The following EGLN1 variants were observed in gnomAD, a reference collection of about 807,000 sequenced individuals.
The protein encoded by EGLN1 is egl nine homolog 1.
A neutral mutation model predicts 38.3 loss-of-function variants in EGLN1; 17 were observed. That is an observed-to-expected ratio of 0.44 (90% CI 0.30 to 0.67). EGLN1 has a LOEUF of 0.67. Among genes scored for constraint, EGLN1 ranks in the 30% least tolerant of loss-of-function variants. The pLI is 0.08. For missense variants in EGLN1, 477 were observed against 603.3 expected, an observed-to-expected ratio of 0.79 and a Z score of 2.19; for synonymous variants, 283 against 257.5, an observed-to-expected ratio of 1.10 and a Z score of -0.95.
At chr1:231,390,943 G>A (rs1004587640) in intron 1 of EGLN1, among the ~76,000 whole-genome samples, 3 of 151,794 alleles carry the variant, frequency 2.0e-5, no homozygotes, top group Non-Finnish European at 4.4e-5. Flanking sequence ...AAACTCCTGA[G>A]CTCAAGCAAT....
intron 1 of EGLN1, among the ~76,000 whole-genome samples, chr1:231,407,850 G>T (rs1048206963): frequency 6.6e-6 from 1 of 152,030 alleles, no homozygotes; most frequent in Non-Finnish European, 1.5e-5. Context: ...ACTAGAAACA[G>T]TATAGCAAGC....
intron 1 of EGLN1, 27 bp from the exon 2 acceptor site, chr1:231,374,126 A>G (rs957011602): frequency 3.1e-6 from 5 of 1,608,918 alleles, no homozygotes; most frequent in South Asian, 1.1e-5. Context: ...AATGATTATT[A>G]AAGTCCATGT....
At chr1:231,406,303 C>T (rs1688793596) in intron 1 of EGLN1, among the ~76,000 whole-genome samples, 2 of 152,058 alleles carry the variant, frequency 1.3e-5, no homozygotes, top group Admixed American at 6.6e-5. Context: ...AAAAGAGAAT[C>T]ATAAGCCAGT....
intron 1 of EGLN1, among the ~76,000 whole-genome samples, chr1:231,417,432 GA>G (rs976785461): frequency 6.6e-6 from 1 of 152,088 alleles, no homozygotes; most frequent in African/African-American, 2.4e-5. Context: ...AACTCCAACA[GA>G]AAAGTTCAAC....
chr1:231,417,459 T>C lies in EGLN1; in HGVS notation c.891+3539A>G, dbSNP rs529437235. 1.4e-3 allele frequency among the ~76,000 whole-genome samples: 213 copies of C among 152,238 alleles called. 1 individual carries two copies. Among genetic ancestry groups the C allele is most frequent in the African/African-American group, 4.6e-3 (192 of 41,546 alleles). On this transcript the variant is annotated intron_variant, in intron 1 of 4. Coordinates refer to ENST00000366641, the MANE Select transcript of EGLN1 (RefSeq NM_022051.3). ...AAAGTTCAACATTTTCCCATGATCCTCACTCCTCTGCATTCCTCTTCCTCC... is the reference window on the plus strand; with the variant it reads ...AAAGTTCAACATTTTCCCATGATCCCCACTCCTCTGCATTCCTCTTCCTCC...
At chr1:231,387,332 T>G (rs948187622) in intron 1 of EGLN1, among the ~76,000 whole-genome samples, 11 of 152,072 alleles carry the variant, frequency 7.2e-5, no homozygotes, top group African/African-American at 2.7e-4. Context: ...TGTTTTTATT[T>G]TGGCCCTAGA....
rs904449242 is a variant in EGLN1 at position 231,364,345 on chromosome 1, T to C, written c.*2066A>G. On this transcript the variant is annotated 3_prime_UTR_variant, in exon 5 of 5. Coordinates refer to ENST00000366641, the MANE Select transcript of EGLN1 (RefSeq NM_022051.3). ...TACTAACCCTAAAAAAGATAATGCTTTTGAGTTGTGGCCTAACGCCGCGCA... is the reference window on the plus strand; with the variant it reads ...TACTAACCCTAAAAAAGATAATGCTCTTGAGTTGTGGCCTAACGCCGCGCA... 14 of 152,158 alleles carry C rather than the reference T, an allele frequency of 9.2e-5. No individual in the cohort carries two copies. The highest frequency in any genetic ancestry group is 3.1e-4 in the African/African-American group (13 of 41,430). The allele number at this position is 152,158 out of a possible 1,614,324, so 9.4% of individuals were successfully genotyped here.
chr1:231,393,077 G>A (rs1031222154), intron 1 of EGLN1, among the ~76,000 whole-genome samples: 2 of 152,174 alleles, frequency 1.3e-5, no homozygotes, highest in African/African-American at 2.4e-5. Context: ...CTTTCTGTAT[G>A]TATCTCCATG....
intron 1 of EGLN1, among the ~76,000 whole-genome samples, chr1:231,384,988 A>C (rs1438609140): frequency 6.6e-6 from 1 of 152,182 alleles, no homozygotes; most frequent in Admixed American, 6.6e-5. Flanking sequence ...GGAAGGCAGA[A>C]GAGTAGTTAG....
intron 1 of EGLN1, among the ~76,000 whole-genome samples, chr1:231,417,268 T>C (rs937564722): frequency 2.6e-5 from 4 of 152,358 alleles, no homozygotes; most frequent in African/African-American, 9.6e-5. Flanking sequence ...TATAATCTGC[T>C]GCTTATTAGT....
chr1:231,390,084 C>T (rs1443304319), intron 1 of EGLN1, among the ~76,000 whole-genome samples: 1 of 152,176 alleles, frequency 6.6e-6, no homozygotes, highest in Non-Finnish European at 1.5e-5. Context: ...CTTCTCTGTA[C>T]CTAACTACCC....
At chr1:231,368,298 CA>C (rs1687714340) in intron 3 of EGLN1, among the ~76,000 whole-genome samples, 1 of 152,188 alleles carries the variant, frequency 6.6e-6, no homozygotes, top group Non-Finnish European at 1.5e-5. Flanking sequence ...TAAAAGGACT[CA>C]GGGCATTGCA....
chr1:231,419,818 G>C (rs948344416), intron 1 of EGLN1, among the ~76,000 whole-genome samples: 6 of 152,312 alleles, frequency 3.9e-5, no homozygotes, highest in South Asian at 2.1e-4. Context: ...CTTTCGGGCA[G>C]CCTGAGAATC....
chr1:231,394,527 C>T (rs12033148), intron 1 of EGLN1, among the ~76,000 whole-genome samples: 81,191 of 149,354 alleles, frequency 0.54, 23,705 homozygotes, highest in Non-Finnish European at 0.65. Flanking sequence ...TACAGGCGCC[C>T]GCCACCACGC....
rs1687626971 is a variant in EGLN1, at chr1:231,365,682, T to C, written c.*729A>G. On this transcript the variant is annotated 3_prime_UTR_variant, in exon 5 of 5. Transcript: ENST00000366641. ...AAAATTTAAACTCTTCTTGTGTCTTTTTCCTTGTAAAACATTAACTAAAAG... is the reference window on the plus strand; with the variant it reads ...AAAATTTAAACTCTTCTTGTGTCTTCTTCCTTGTAAAACATTAACTAAAAG... 2 of 152,308 alleles carry C rather than the reference T, an allele frequency of 1.3e-5. No individual in the cohort carries two copies. The highest frequency in any genetic ancestry group is 2.1e-4 in the South Asian group (1 of 4,822). The allele number at this position is 152,308 out of a possible 1,614,324, so 9.4% of individuals were successfully genotyped here.
chr1:231,376,479 T>G (rs1376535253), intron 1 of EGLN1, among the ~76,000 whole-genome samples: 1 of 152,198 alleles, frequency 6.6e-6, no homozygotes, highest in African/African-American at 2.4e-5. Flanking sequence ...TTGTCCTATT[T>G]TACTGTTGTT....
intron 2 of EGLN1, 32 bp downstream of exon 2, chr1:231,373,946 AAG>A (rs780721507): frequency 1.9e-5 from 31 of 1,611,670 alleles, no homozygotes; most frequent in Non-Finnish European, 2.1e-5. Flanking sequence ...AGACACCTGT[AAG>A]AAAAAAATAA....
At chr1:231,402,659 C>T (rs2472262) in intron 1 of EGLN1, among the ~76,000 whole-genome samples, 82,226 of 151,264 alleles carry the variant, frequency 0.54, 23,924 homozygotes, top group Non-Finnish European at 0.65. Flanking sequence ...GGTCTGGAAC[C>T]CCTGACCTCA....
chr1:231,412,283 T>A (rs770723085), intron 1 of EGLN1, among the ~76,000 whole-genome samples: 4 of 152,196 alleles, frequency 2.6e-5, no homozygotes, highest in Non-Finnish European at 5.9e-5. Flanking sequence ...TATTGATAAG[T>A]CAGTGGAACT....
Sources: allele counts gnomAD v4.1 joint callset (sites outside exome capture counted in the v4.1 genomes callset), GRCh38; gene constraint gnomAD v4.1.1; transcripts MANE v1.5; gene names NCBI Gene and HGNC (gene_info 2026-07-23, HGNC 2026-07-21).